Variants in FAM228A observed in about 807,000 individuals in gnomAD.
The protein encoded by FAM228A is family with sequence similarity 228 member A.
Under a neutral mutation model 18.6 loss-of-function variants are expected in FAM228A, and 13 were observed. The observed-to-expected ratio is 0.70, with a 90% CI of 0.45 to 1.11. The LOEUF is 1.11. Among genes scored for constraint, FAM228A ranks in the 50% least tolerant of loss-of-function variants. FAM228A has a pLI of 0.00. For synonymous variants in FAM228A, 77 were observed against 86.6 expected, an observed-to-expected ratio of 0.89 and a Z score of 0.61; for missense variants, 240 against 242.2, an observed-to-expected ratio of 0.99 and a Z score of 0.06.
intron 5 of FAM228A, among the ~76,000 whole-genome samples, chr2:24,186,358 T>G (rs1667950423): frequency 6.6e-6 from 1 of 152,160 alleles, no homozygotes; most frequent in Non-Finnish European, 1.5e-5. Flanking sequence ...CCTTATACCT[T>G]TTATTTCTTT....
chr2:24,183,662 C>G lies in FAM228A; in HGVS notation c.401+17C>G, dbSNP rs1667870428. 4 of 1,558,614 alleles carry G rather than the reference C, an allele frequency of 2.6e-6. No individual in the cohort carries two copies. The highest frequency in any genetic ancestry group is 8.7e-7 in the Non-Finnish European group (1 of 1,152,246). On this transcript the variant is annotated intron_variant, in intron 5 of 5. Coordinates refer to ENST00000295150, the MANE Select transcript of FAM228A (RefSeq NM_001040710.3). ...CAAATACAGGTACAGATGAGCAGAA[C>G]AAACAAATATTTGTTTAACTTGCAA...
rs201493747 is a variant in FAM228A, at chr2:24,185,112, C to T, written c.401+1467C>T. Among the ~76,000 whole-genome samples the T allele has an allele frequency of 2.8e-4, 42 of 152,180 alleles. 2 individuals are homozygous for T. The East Asian group carries it at 5.4e-3, about 20-fold the overall frequency. On this transcript the variant is annotated intron_variant, in intron 5 of 5. Transcript: ENST00000295150. Reference sequence around the variant, plus strand: ...TGCTGGGATTACAGGTGTGAGCCACCGTGCCTGGCCTGCTTTTATAGTTTT... The same window carrying T: ...TGCTGGGATTACAGGTGTGAGCCACTGTGCCTGGCCTGCTTTTATAGTTTT...
At position 24,183,647 on chromosome 2, in the gene FAM228A, T is replaced by C; in HGVS notation, c.401+2T>C. On this transcript the variant is annotated splice_donor_variant, in intron 5 of 5. Coordinates refer to ENST00000295150, the MANE Select transcript of FAM228A (RefSeq NM_001040710.3). LOFTEE classifies it high-confidence loss of function. ...CAGGAGTAAAACTTACAAATACAGG[T>C]ACAGATGAGCAGAACAAACAAATAT... is the stretch of plus-strand genomic sequence containing the variant. 1 of 1,584,696 alleles carries C rather than the reference T, an allele frequency of 6.3e-7. No homozygotes were observed. Among genetic ancestry groups the C allele is most frequent in the Non-Finnish European group, 8.6e-7 (1 of 1,166,180 alleles).
intron 2 of FAM228A, chr2:24,176,039 G>GA: frequency 1.3e-5 from 13 of 985,392 alleles, no homozygotes; most frequent in Non-Finnish European, 1.4e-5. Flanking sequence ...AGAAAGCTGT[G>GA]GATTTCGAAA....
chr2:24,187,374 C>T (rs1667974791), intron 5 of FAM228A, among the ~76,000 whole-genome samples: 1 of 152,208 alleles, frequency 6.6e-6, no homozygotes, highest in South Asian at 2.1e-4. Flanking sequence ...CCCCAACAAA[C>T]ACAACCTCCT....
rs377341002 is a variant in FAM228A at position 24,185,003 on chromosome 2, A to G, written c.401+1358A>G. On this transcript the variant is annotated intron_variant, in intron 5 of 5. Coordinates refer to ENST00000295150, the MANE Select transcript of FAM228A (RefSeq NM_001040710.3). The stretch of plus-strand genomic sequence containing the variant: ...ACACCCAGCTGATTTTTGTATCTTT[A>G]GTAGAGATGGCGTTTCACCATGTTG... Among the ~76,000 whole-genome samples, 69 of 152,144 alleles carry G rather than the reference A, an allele frequency of 4.5e-4. No individual in the cohort carries two copies. In the East Asian group the frequency reaches 0.01, roughly 23 times the overall value.
intron 3 of FAM228A, among the ~76,000 whole-genome samples, chr2:24,179,626 TC>T (rs1667769887): frequency 6.6e-6 from 1 of 152,220 alleles, no homozygotes; most frequent in African/African-American, 2.4e-5. Context: ...CCTATTCTGT[TC>T]TGCTATCCTT....
chr2:24,186,146 TGC>T (rs555344063), intron 5 of FAM228A, among the ~76,000 whole-genome samples: 237 of 152,022 alleles, frequency 1.6e-3, no homozygotes, highest in African/African-American at 4.4e-3. Flanking sequence ...ATTACAGGTG[TGC>T]ACCACCACAC....
intron 3 of FAM228A, 150 bp from the exon 4 acceptor site, chr2:24,183,135 G>A (rs1326563004): frequency 3.2e-6 from 2 of 619,434 alleles, no homozygotes; most frequent in Middle Eastern, 4.4e-4. Context: ...GCAGAGTCCC[G>A]AATAGGTCGT....
intron 5 of FAM228A, chr2:24,188,474 T>A (rs965679368): frequency 1.0e-6 from 1 of 985,334 alleles, no homozygotes; most frequent in African/African-American, 1.7e-5. Flanking sequence ...CTGGAGAGTT[T>A]CTGTCCTCCA....
chr2:24,177,953 C>A, intron 3 of FAM228A, 83 bp downstream of exon 3: 1 of 834,938 alleles, frequency 1.2e-6, no homozygotes, highest in Non-Finnish European at 1.9e-6. Flanking sequence ...GAGTTTATGT[C>A]ACCGTGATCC....
intron 5 of FAM228A, among the ~76,000 whole-genome samples, chr2:24,184,710 C>T (rs779811809): frequency 6.6e-6 from 1 of 152,018 alleles, no homozygotes; most frequent in Non-Finnish European, 1.5e-5. Context: ...GAGTCTCGCT[C>T]TGTCGTCCAG....
rs1183855026 is a variant in FAM228A, at chr2:24,190,619, G to A, written c.609G>A (p.Leu203=). 5 of 1,550,354 alleles carry A rather than the reference G, an allele frequency of 3.2e-6. No individual in the cohort carries two copies. The Admixed American group carries it at 1.0e-4, about 32-fold the overall frequency. The change falls in exon 6 of 6, where the codon CTG becomes CTA. Residue 203 remains leucine, a synonymous_variant. Coordinates refer to ENST00000295150, the MANE Select transcript of FAM228A (RefSeq NM_001040710.3). ...GLCSTHEQHI[L]VPE ...GCAGCACCCACGAGCAGCACATACT[G>A]GTTCCAGAATGAGCCACCGCCACAG...
In FAM228A at chr2:24,191,063, A is replaced by AT. The variant is rs1573811866; in HGVS notation, c.*438dup. 3.0e-6 allele frequency: 3 copies of AT among 988,492 alleles called. No individual in the cohort carries two copies. Among genetic ancestry groups the AT allele is most frequent in the South Asian group, 4.7e-5 (1 of 21,314 alleles). 61.2% of individuals were successfully genotyped at this position (988,492 alleles called of 1,614,324 possible). On this transcript the variant is annotated 3_prime_UTR_variant, in exon 6 of 6. Transcript: ENST00000295150. ...TACCAAAAAATTAGGGCAAGATGAG[A>AT]TTTTTTGATATTTAAAAGGTATTTT...
At chr2:24,189,782 G>T (rs150512419) in intron 5 of FAM228A, among the ~76,000 whole-genome samples, 3 of 152,140 alleles carry the variant, frequency 2.0e-5, no homozygotes, top group African/African-American at 7.2e-5. Context: ...ACGTGGCGAG[G>T]TGAGGCAGAG....
At chr2:24,176,368 A>G (rs1444682783) in intron 2 of FAM228A, 3 of 306,782 alleles carry the variant, frequency 9.8e-6, no homozygotes, top group Non-Finnish European at 1.4e-5. Context: ...AAAATATTTT[A>G]GAGACAGGTT....
intron 3 of FAM228A, chr2:24,179,230 A>G: frequency 5.2e-6 from 5 of 955,478 alleles, no homozygotes; most frequent in Non-Finnish European, 6.7e-6. Context: ...TGGAAAAAGT[A>G]ATTTCATATA....
intron 3 of FAM228A, among the ~76,000 whole-genome samples, chr2:24,181,355 A>G (rs1385083002): frequency 6.6e-6 from 1 of 152,206 alleles, no homozygotes; most frequent in East Asian, 1.9e-4. Context: ...GACCATTATA[A>G]TCCTGAAGTA....
At chr2:24,178,495 G>A (rs1383997310) in intron 3 of FAM228A, among the ~76,000 whole-genome samples, 2 of 152,154 alleles carry the variant, frequency 1.3e-5, no homozygotes, top group African/African-American at 4.8e-5. Context: ...GATTGCTTGA[G>A]CTCAGGAGGT....
Sources: gnomAD v4.1 joint callset for allele counts (sites outside exome capture counted in the v4.1 genomes callset) on GRCh38, gnomAD v4.1.1 for gene constraint, MANE v1.5 for transcripts, NCBI Gene and HGNC (gene_info 2026-07-23, HGNC 2026-07-21) for gene names.